Variants in ZNF177 observed in about 807,000 individuals in gnomAD.
The protein encoded by ZNF177 is zinc finger protein 177.
Under a neutral mutation model 19.4 loss-of-function variants are expected in ZNF177, and 17 were observed. The observed-to-expected ratio is 0.87, with a 90% CI of 0.60 to 1.31. The LOEUF (loss-of-function observed/expected upper bound fraction) is 1.31. Among genes scored for constraint, ZNF177 ranks in the 40% most tolerant of loss-of-function variants. The pLI is 0.00. For missense variants in ZNF177, 633 were observed against 561.8 expected, an observed-to-expected ratio of 1.13 and a Z score of -1.28; for synonymous variants, 220 against 188.7, an observed-to-expected ratio of 1.17 and a Z score of -1.36.
At chr19:9,380,971 A>G in exon 6 of ZNF177, 1 of 1,543,934 alleles carries the variant, frequency 6.5e-7, no homozygotes, top group Non-Finnish European at 8.7e-7. Context: ...TATGTCCTTC[A>G]GCCTACACTC....
At chr19:9,381,493 C>T (rs141102792) in exon 6 of ZNF177, 198 of 1,611,246 alleles carry the variant, frequency 1.2e-4, no homozygotes, top group African/African-American at 3.7e-4. Context: ...GAAACACACA[C>T]GCTCTCACAC....
chr19:9,372,702 C>A (rs566293683), upstream of ZNF177, among the ~76,000 whole-genome samples: 1 of 151,934 alleles, frequency 6.6e-6, no homozygotes, highest in East Asian at 1.9e-4. Flanking sequence ...CCTGCCACCA[C>A]ACCTGGCTAA....
chr19:9,369,477 T>TA (rs1176576189), intron 2 of ZNF177, among the ~76,000 whole-genome samples: 1 of 151,892 alleles, frequency 6.6e-6, no homozygotes, highest in Non-Finnish European at 1.5e-5. Flanking sequence ...ACTCAATTTT[T>TA]ATGTGTTGTT....
At chr19:9,377,943 C>T (rs1399955467) in intron 1 of ZNF177, among the ~76,000 whole-genome samples, 1 of 152,142 alleles carries the variant, frequency 6.6e-6, no homozygotes, top group African/African-American at 2.4e-5. Context: ...TCAGCTATTT[C>T]TCCAGTGAGT....
At chr19:9,364,653 G>A (rs902026108) in intron 1 of ZNF177, among the ~76,000 whole-genome samples, 1 of 152,104 alleles carries the variant, frequency 6.6e-6, no homozygotes, top group East Asian at 1.9e-4. Context: ...GACCTTGTGC[G>A]AGGCAAAACT....
chr19:9,380,876 G>A, exon 6 of ZNF177: 4 of 1,536,076 alleles, frequency 2.6e-6, no homozygotes, highest in Non-Finnish European at 3.5e-6. Context: ...ACTGATTGTA[G>A]AAAAGCTTTC....
exon 6 of ZNF177, chr19:9,381,548 G>T (rs749490580): frequency 1.2e-6 from 2 of 1,614,154 alleles, no homozygotes; most frequent in Non-Finnish European, 1.7e-6. Context: ...AAGTCCTTCA[G>T]CACAGGCTCT....
chr19:9,376,566 A>G (rs2068111810), intron 1 of ZNF177, 143 bp downstream of exon 3: 1 of 151,978 alleles, frequency 6.6e-6, no homozygotes, highest in South Asian at 2.1e-4. Flanking sequence ...TTTTCTCCAT[A>G]ATATAGGTTC....
rs775145702 is a variant in ZNF177, at chr19:9,364,960, C to T, written c.-305+12C>T. Reference sequence around the variant, plus strand: ...GAGTGAAATACAGGGTAAGTGTCTTCCTAAGCAATAATTACTGCTAATGTT... The same window carrying T: ...GAGTGAAATACAGGGTAAGTGTCTTTCTAAGCAATAATTACTGCTAATGTT... On this transcript the variant is annotated intron_variant, in intron 2 of 8. Transcript: ENST00000343499. The T allele has an allele frequency of 2.6e-5, 4 of 152,104 alleles. No homozygotes were observed. The highest frequency in any genetic ancestry group is 5.9e-5 in the Non-Finnish European group (4 of 68,044). 9.4% of individuals were successfully genotyped at this position (152,104 alleles called of 1,614,324 possible).
intron 2 of ZNF177, among the ~76,000 whole-genome samples, chr19:9,370,139 C>T (rs1420826636): frequency 2.0e-5 from 3 of 151,880 alleles, no homozygotes; most frequent in Non-Finnish European, 4.4e-5. Flanking sequence ...ATTTATTTTT[C>T]TTAAGCTTTT....
chr19:9,381,833 T>C (rs1335503194), exon 6 of ZNF177: 1 of 1,530,982 alleles, frequency 6.5e-7, no homozygotes, highest in East Asian at 2.3e-5. Flanking sequence ...CTTTAGAACA[T>C]ATATTGGAGA....
intron 5 of ZNF177, 175 bp from the exon 8 acceptor site, chr19:9,380,493 A>G (rs1190060911): frequency 5.5e-6 from 7 of 1,276,288 alleles, no homozygotes; most frequent in Non-Finnish European, 7.5e-6. Context: ...GAGTGAGCTT[A>G]TTCAACTCGA....
At chr19:9,372,948 C>T (rs1045741737), upstream of ZNF177, among the ~76,000 whole-genome samples, 4 of 152,144 alleles carry the variant, frequency 2.6e-5, no homozygotes, top group African/African-American at 9.7e-5. Flanking sequence ...ATGTTTTGAT[C>T]TACCTGTCCA....
At chr19:9,379,994 T>A in intron 4 of ZNF177, 63 bp from the exon 7 acceptor site, 1 of 1,563,130 alleles carries the variant, frequency 6.4e-7, no homozygotes, top group Non-Finnish European at 8.7e-7. Flanking sequence ...AGGGTCTCCC[T>A]CCCTTTTTCT....
intron 3 of ZNF177, 94 bp downstream of exon 5, chr19:9,379,182 G>GTGGT: frequency 6.8e-7 from 1 of 1,463,230 alleles, no homozygotes; most frequent in Non-Finnish European, 9.1e-7. Context: ...TAGCAATACA[G>GTGGT]TGGTTAACCC....
intron 2 of ZNF177, among the ~76,000 whole-genome samples, chr19:9,366,625 GTAGA>G (rs2067984088): frequency 6.6e-6 from 1 of 152,156 alleles, no homozygotes; most frequent in Non-Finnish European, 1.5e-5. Context: ...CCGTTCATCG[GTAGA>G]TAGACATTTG....
upstream of ZNF177, among the ~76,000 whole-genome samples, chr19:9,372,540 CTTTTTTTTTTTT>C (rs61321271): frequency 1.5e-4 from 13 of 84,576 alleles, no homozygotes; most frequent in African/African-American, 5.7e-4. Flanking sequence ...CTTTCTTTTC[CTTTTTTTTTTTT>C]TTTTTTTTTT....
chr19:9,381,393 C>T lies in ZNF177; in HGVS notation c.1062C>T (p.Ser354=), dbSNP rs139783326. The T allele has an allele frequency of 1.0e-4, 162 of 1,613,782 alleles. 1 individual carries two copies. In the African/African-American group the frequency reaches 2.0e-3, roughly 20 times the overall value. Reference sequence around the variant, plus strand: ...GGAAGGCTTTCACTGTTCCTTCATCCCTTCAGAAACATGTGAGAACCCACA... The same window carrying T: ...GGAAGGCTTTCACTGTTCCTTCATCTCTTCAGAAACATGTGAGAACCCACA... The change falls in exon 6 of 6, where the codon TCC becomes TCT. Residue 354 remains serine (S), a synonymous_variant. Transcript: ENST00000589262.
upstream of ZNF177, among the ~76,000 whole-genome samples, chr19:9,374,804 A>AT (rs1183551914): frequency 6.6e-6 from 1 of 152,144 alleles, no homozygotes; most frequent in Admixed American, 6.5e-5. Context: ...ATCTACAAAC[A>AT]TAATTTTACT....
Sources: gnomAD v4.1 joint callset for allele counts (sites outside exome capture counted in the v4.1 genomes callset) on GRCh38, gnomAD v4.1.1 for gene constraint, MANE v1.5 for transcripts, NCBI Gene and HGNC (gene_info 2026-07-23, HGNC 2026-07-21) for gene names.